The following ADAMTSL2 variants were observed in gnomAD, a reference collection of about 807,000 sequenced individuals.
ADAMTSL2 encodes the protein ADAMTS like 2.
Under a neutral mutation model 117.0 loss-of-function variants are expected in ADAMTSL2, and 55 were observed. That is an observed-to-expected ratio of 0.47 (90% confidence interval 0.38 to 0.59). ADAMTSL2 has a LOEUF of 0.59. Ranked by LOEUF, ADAMTSL2 falls within the 20% of genes least tolerant of loss-of-function variation. The probability of loss-of-function intolerance (pLI) is 0.00; values close to 1 mark genes in which losing one functional copy is unlikely to be tolerated. For synonymous variants in ADAMTSL2, 572 were observed against 566.4 expected, an observed-to-expected ratio of 1.01 and a Z score of -0.14; for missense variants, 1,182 against 1,354.5, an observed-to-expected ratio of 0.87 and a Z score of 2.00.
Position 133,534,900 on chromosome 9 carries a change from C to T in ADAMTSL2, c.-168C>T, listed in dbSNP as rs1830014149. On this transcript the variant is annotated 5_prime_UTR_variant, in exon 1 of 19. Coordinates refer to ENST00000651351, the MANE Select transcript of ADAMTSL2 (RefSeq NM_014694.4). Reference sequence around the variant, plus strand: ...TCGCCCCTTTCTCTGGGAGGACAACCTGCTGACCCGAAGCCAGGTAGGCCA... The same window carrying T: ...TCGCCCCTTTCTCTGGGAGGACAACTTGCTGACCCGAAGCCAGGTAGGCCA... 3 of 1,422,622 alleles carry T rather than the reference C, an allele frequency of 2.1e-6. No homozygotes were observed. The highest frequency in any genetic ancestry group is 2.8e-6 in the Non-Finnish European group (3 of 1,082,780). The allele number at this position is 1,422,622 out of a possible 1,614,324, so 88.1% of individuals were successfully genotyped here.
chr9:133,567,819 A>G (rs1831009950), intron 13 of ADAMTSL2, among the ~76,000 whole-genome samples: 8 of 152,312 alleles, frequency 5.3e-5, no homozygotes, highest in East Asian at 1.9e-4. Context: ...TTCCAAGTCT[A>G]TCTGCCTGGA....
intron 10 of ADAMTSL2, among the ~76,000 whole-genome samples, chr9:133,555,328 A>G (rs1219384650): frequency 2.0e-5 from 3 of 151,978 alleles, no homozygotes; most frequent in African/African-American, 7.3e-5. Context: ...ATGCTATTCA[A>G]TCCACTACAG....
chr9:133,551,503 G>T (rs1364584106), intron 9 of ADAMTSL2, among the ~76,000 whole-genome samples: 1 of 152,208 alleles, frequency 6.6e-6, no homozygotes, highest in African/African-American at 2.4e-5. Flanking sequence ...AGCTCTGGCT[G>T]TGTGGGTCGC....
rs1331480896 is a variant in ADAMTSL2 at position 133,558,302 on chromosome 9, C to T, written c.1649+2372C>T. Among the ~76,000 whole-genome samples, 6 of 152,146 alleles carry T rather than the reference C, an allele frequency of 3.9e-5. No homozygotes were observed. The highest frequency in any genetic ancestry group is 1.9e-4 in the East Asian group (1 of 5,186). On this transcript the variant is annotated intron_variant, in intron 11 of 18. Transcript: ENST00000651351. The surrounding 1 kb of genome is among the most constrained non-coding windows in gnomAD (Gnocchi z 4.3). Reference sequence around the variant, plus strand: ...AGAGATAAAGGGCAGAGGGAGGCGGCGGGGGAAACCACCAGGCCAAAATAG... The same window carrying T: ...AGAGATAAAGGGCAGAGGGAGGCGGTGGGGGAAACCACCAGGCCAAAATAG...
chr9:133,569,572 G>C lies in ADAMTSL2; in HGVS notation c.2409G>C (p.Trp803Cys). 2 of 1,570,888 alleles carry C rather than the reference G, an allele frequency of 1.3e-6. No individual in the cohort carries two copies. Among genetic ancestry groups the C allele is most frequent in the Non-Finnish European group, 1.7e-6 (2 of 1,157,172 alleles). The change falls in exon 16 of 19, where the codon TGG (tryptophan) becomes TGC (cysteine). Residue 803 changes from tryptophan to cysteine, a missense_variant. Physicochemically the swap from Trp to Cys is radical, Grantham distance 215. This residue lies in a region of ADAMTSL2 where 465 missense variants were observed against 565.3 expected (regional missense o/e 0.82). Coordinates refer to ENST00000651351, the MANE Select transcript of ADAMTSL2 (RefSeq NM_014694.4). ...NCPAHWLAQD[W>C]ERCNTTCGRG... ...CCGCCCACTGGCTGGCCCAGGACTG[G>C]GAGCGGGTGAGTGCCCCAGAGCCCG...
intron 9 of ADAMTSL2, 101 bp downstream of exon 9, chr9:133,547,314 C>A: frequency 8.1e-7 from 1 of 1,236,608 alleles, no homozygotes; most frequent in Non-Finnish European, 1.1e-6. Flanking sequence ...GCCCCCAGGG[C>A]CACTGTGCGC....
chr9:133,570,993 C>T (rs972505910), intron 17 of ADAMTSL2, among the ~76,000 whole-genome samples: 6 of 152,192 alleles, frequency 3.9e-5, no homozygotes, highest in African/African-American at 7.2e-5. Flanking sequence ...AAGGGCAGTA[C>T]GTCTCCTGCA....
At chr9:133,535,027 A>G (rs1830017549) in intron 1 of ADAMTSL2, 110 bp downstream of exon 1, 1 of 1,292,844 alleles carries the variant, frequency 7.7e-7, no homozygotes, top group Non-Finnish European at 9.8e-7. Flanking sequence ...GAGCCGTTAC[A>G]TAACGTGGGG....
chr9:133,563,213 T>TGGCTGCCACCACCTGATGCAGGGTGC (rs1295728774), intron 12 of ADAMTSL2, among the ~76,000 whole-genome samples: 21 of 152,224 alleles, frequency 1.4e-4, no homozygotes, highest in African/African-American at 5.1e-4. Context: ...GTTCTGAGGG[T>TGGCTGCCACCACCTGATGCAGGGTGC]GGCTGCCACC....
At chr9:133,569,366 T>G in intron 15 of ADAMTSL2, 42 bp from the exon 16 acceptor site, 1 of 1,604,734 alleles carries the variant, frequency 6.2e-7, no homozygotes, top group African/African-American at 1.3e-5. Flanking sequence ...CTGGTGTGGC[T>G]GCCTCTCACT....
chr9:133,542,408 G>A (rs1303049835), intron 7 of ADAMTSL2, among the ~76,000 whole-genome samples: 1 of 152,184 alleles, frequency 6.6e-6, no homozygotes, highest in Non-Finnish European at 1.5e-5. Context: ...TGGACCCAGG[G>A]CATGCAGAGG....
intron 1 of ADAMTSL2, 45 bp from the exon 2 acceptor site, chr9:133,536,518 C>T: frequency 2.0e-6 from 3 of 1,504,756 alleles, no homozygotes; most frequent in South Asian, 2.6e-5. Flanking sequence ...CAAGCTCCTT[C>T]TTGCTAAGCC....
In ADAMTSL2 at chr9:133,557,374, C is replaced by T. The variant is rs1011590455; in HGVS notation, c.1649+1444C>T. On this transcript the variant is annotated intron_variant, in intron 11 of 18. Transcript: ENST00000651351. The surrounding 1 kb of genome is among the most constrained non-coding windows in gnomAD (Gnocchi z 5.2). ...TGCAGATGTGGACAGAGTGGGGCCT[C>T]GGAGCCTCCTCTGGCTGCCCCTCTT... Among the ~76,000 whole-genome samples the T allele has an allele frequency of 1.4e-3, 217 of 152,338 alleles. No individual in the cohort carries two copies. The highest frequency in any genetic ancestry group is 4.5e-3 in the African/African-American group (186 of 41,566).
intron 9 of ADAMTSL2, among the ~76,000 whole-genome samples, chr9:133,550,824 G>A (rs1265552476): frequency 6.6e-6 from 1 of 152,180 alleles, no homozygotes; most frequent in Admixed American, 6.5e-5. Flanking sequence ...GATGATGCCT[G>A]TGACTAGCCT....
chr9:133,568,801 G>A (rs1429268787), intron 15 of ADAMTSL2, 43 bp downstream of exon 15: 9 of 1,612,066 alleles, frequency 5.6e-6, no homozygotes, highest in Non-Finnish European at 7.6e-6. Flanking sequence ...CGGCTGGTGA[G>A]GGGACCCAGA....
chr9:133,556,430 G>A lies in ADAMTSL2; in HGVS notation c.1649+500G>A, dbSNP rs1051291277. Among the ~76,000 whole-genome samples the A allele has an allele frequency of 4.6e-5, 7 of 152,212 alleles. 1 individual carries two copies. Among genetic ancestry groups the A allele is most frequent in the South Asian group, 4.1e-4 (2 of 4,834 alleles). On this transcript the variant is annotated intron_variant, in intron 11 of 18. Coordinates refer to ENST00000651351, the MANE Select transcript of ADAMTSL2 (RefSeq NM_014694.4). ...AAGCCTGGACAGTCATGGCACACAC[G>A]CCTGTAGGAGGAGGCGGAGCTCCAG... is the stretch of plus-strand genomic sequence containing the variant.
intron 12 of ADAMTSL2, among the ~76,000 whole-genome samples, chr9:133,566,244 C>A (rs1036407466): frequency 3.9e-5 from 6 of 152,214 alleles, no homozygotes; most frequent in Non-Finnish European, 7.3e-5. Flanking sequence ...AAGTTCAAGA[C>A]CAGCCTGGCC....
Position 133,575,124 on chromosome 9 carries a change from CTG to C in ADAMTSL2, c.*264_*265del. 1.9e-6 allele frequency: 1 copy of C among 529,000 alleles called. No homozygotes were observed. The highest frequency in any genetic ancestry group is 3.4e-6 in the Non-Finnish European group (1 of 291,344). The allele number at this position is 529,000 out of a possible 1,614,324, so 32.8% of individuals were successfully genotyped here. ...ACCTGTCCGTGTTCCTGCGTGGATC[CTG>C]TGTTTGTGGCTCCCACTCCCCAGCC... On this transcript the variant is annotated 3_prime_UTR_variant, in exon 19 of 19. Coordinates refer to ENST00000651351, the MANE Select transcript of ADAMTSL2 (RefSeq NM_014694.4).
intron 7 of ADAMTSL2, among the ~76,000 whole-genome samples, chr9:133,544,124 A>T (rs965112464): frequency 6.6e-6 from 1 of 152,258 alleles, no homozygotes; most frequent in Non-Finnish European, 1.5e-5. Context: ...CTGGGGCTCC[A>T]TCGGCTGCCC....
Sources: allele counts gnomAD v4.1 joint callset (sites outside exome capture counted in the v4.1 genomes callset), GRCh38; gene constraint gnomAD v4.1.1; regional missense constraint gnomAD v4.1.1; non-coding constraint Gnocchi (gnomAD v3.1); transcripts MANE v1.5; gene names NCBI Gene and HGNC (gene_info 2026-07-23, HGNC 2026-07-21).